TNFRSF1A: variants seen among roughly 807,000 people sequenced by gnomAD.
TNFRSF1A encodes TNF receptor superfamily member 1A.
Under a neutral mutation model 41.6 loss-of-function variants are expected in TNFRSF1A, and 9 were observed. The ratio of observed to expected loss-of-function variants is 0.22; its 90% CI spans 0.13 to 0.38. The LOEUF (loss-of-function observed/expected upper bound fraction) is 0.38. Ranked by LOEUF, TNFRSF1A falls within the 10% of genes least tolerant of loss-of-function variation. The pLI is 1.00. For synonymous variants in TNFRSF1A, 254 were observed against 248.6 expected (o/e 1.02, Z -0.21); for missense variants, 463 against 591.5 (o/e 0.78, Z 2.25).
At position 6,342,061 on chromosome 12, in the gene TNFRSF1A, G is replaced by T; in HGVS notation, c.-247C>A. 1.7e-6 allele frequency: 1 copy of T among 586,022 alleles called. No individual in the cohort carries two copies. Among genetic ancestry groups the T allele is most frequent in the East Asian group, 2.9e-5 (1 of 34,464 alleles). 36.3% of individuals were successfully genotyped at this position (586,022 alleles called of 1,614,324 possible). A position where few individuals can be genotyped will look rare whatever the true frequency, so the allele number is the denominator to read the frequency against. ...TAAAGCAGAGAGGAGGGGAGAGAAG[G>T]TGGGAGGGGAAGAGTGAGGCAGTGT... On this transcript the variant is annotated 5_prime_UTR_variant, in exon 1 of 10. Transcript: ENST00000162749.
At chr12:6,339,828 CTCT>C (rs1236477065) in intron 1 of TNFRSF1A, among the ~76,000 whole-genome samples, 3 of 128,466 alleles carry the variant, frequency 2.3e-5, no homozygotes, top group African/African-American at 1.4e-4. Context: ...CTCTCTCTCT[CTCT>C]CTCTCTCTCT....
At position 6,329,140 on chromosome 12, in the gene TNFRSF1A, T is replaced by A. The variant is rs906838640; in HGVS notation, c.*172A>T. The A allele has an allele frequency of 1.7e-6, 1 of 600,416 alleles. No homozygotes were observed. The highest frequency in any genetic ancestry group is 2.6e-6 in the Non-Finnish European group (1 of 387,526). 37.2% of individuals were successfully genotyped at this position (600,416 alleles called of 1,614,324 possible). ...CTCTCTCCGCGCGCACAGCGCTGAC[T>A]GTCGGCGGCGCGCAGGCAGCTGAGA... On this transcript the variant is annotated 3_prime_UTR_variant, in exon 10 of 10. Coordinates refer to ENST00000162749, the MANE Select transcript of TNFRSF1A (RefSeq NM_001065.4).
chr12:6,336,855 T>A (rs1378267499), intron 1 of TNFRSF1A, among the ~76,000 whole-genome samples: 1 of 152,210 alleles, frequency 6.6e-6, no homozygotes, highest in South Asian at 2.1e-4. Flanking sequence ...CCTCCCACCC[T>A]GGGTTCACCG....
At position 6,330,195 on chromosome 12, in the gene TNFRSF1A, G is replaced by A. The variant is rs1217999535; in HGVS notation, c.768+72C>T. The stretch of plus-strand genomic sequence containing the variant: ...CCCGGAAAGTGAAGGATGATTCCAG[G>A]GGATCTGAGCATTAGGCAATTATAA... On this transcript the variant is annotated intron_variant, in intron 8 of 9. Transcript: ENST00000162749. 7 of 1,613,096 alleles carry A rather than the reference G, an allele frequency of 4.3e-6. No homozygotes were observed. In the African/African-American group the frequency reaches 5.3e-5, roughly 12 times the overall value.
Position 6,330,068 on chromosome 12 carries a change from T to C in TNFRSF1A, c.769-2A>G. The C allele has an allele frequency of 6.2e-7, 1 of 1,612,694 alleles. No individual in the cohort carries two copies. The highest frequency in any genetic ancestry group is 8.5e-7 in the Non-Finnish European group (1 of 1,179,960). On this transcript the variant is annotated splice_acceptor_variant, in intron 8 of 9. Transcript: ENST00000162749. LOFTEE classifies it high-confidence loss of function. Reference sequence around the variant, plus strand: ...AGTAGTAGTTCCTTCAAGCTCCCCCTGAAAGAGAGAAGGTGGCGCAGCATT... The same window carrying C: ...AGTAGTAGTTCCTTCAAGCTCCCCCCGAAAGAGAGAAGGTGGCGCAGCATT...
Position 6,341,657 on chromosome 12 carries a change from A to C in TNFRSF1A, c.39+119T>G. 8.3e-7 allele frequency: 1 copy of C among 1,204,286 alleles called. No individual in the cohort carries two copies. Among genetic ancestry groups the C allele is most frequent in the South Asian group, 1.3e-5 (1 of 79,274 alleles). 74.6% of individuals were successfully genotyped at this position (1,204,286 alleles called of 1,614,324 possible). ...GCTGAGGTTAGGACCTGCAGGCCTG[A>C]GGCTGGCGCCAGGACCAGGCCCGGG... On this transcript the variant is annotated intron_variant, in intron 1 of 9. Transcript: ENST00000162749. This position sits in a 1 kb window ranked among gnomAD's most constrained non-coding sequence, Gnocchi z 4.6.
chr12:6,341,925 GGGT>G lies in TNFRSF1A; in HGVS notation c.-114_-112del. 2.5e-6 allele frequency: 3 copies of G among 1,203,908 alleles called. No individual in the cohort carries two copies. The highest frequency in any genetic ancestry group is 3.7e-6 in the Non-Finnish European group (3 of 817,232). The allele number at this position is 1,203,908 out of a possible 1,614,324, so 74.6% of individuals were successfully genotyped here. On this transcript the variant is annotated 5_prime_UTR_variant, in exon 1 of 10. Coordinates refer to ENST00000162749, the MANE Select transcript of TNFRSF1A (RefSeq NM_001065.4). This position sits in a 1 kb window ranked among gnomAD's most constrained non-coding sequence, Gnocchi z 4.6. ...TGTCCAGGACGTCCCAAGTGCCTTG[GGGT>G]GACAGTTGAGGGTTGAGACTCGGGC...
chr12:6,338,638 G>C (rs1360991359), intron 1 of TNFRSF1A, among the ~76,000 whole-genome samples: 2 of 150,268 alleles, frequency 1.3e-5, no homozygotes, highest in African/African-American at 4.9e-5. Flanking sequence ...GAAGTGCAGT[G>C]GCACAATCAT....
At chr12:6,338,673 G>A (rs531409295) in intron 1 of TNFRSF1A, among the ~76,000 whole-genome samples, 20 of 151,662 alleles carry the variant, frequency 1.3e-4, no homozygotes, top group African/African-American at 3.9e-4. Flanking sequence ...TTCACCACCA[G>A]GACGGAATGT....
rs1344445194 is a variant in TNFRSF1A at position 6,329,921 on chromosome 12, G to C, written c.914C>G (p.Pro305Arg). Reference protein sequence around the residue: ...SSSTYTPGDCPNFAAPRREVA... With the variant: ...SSSTYTPGDCRNFAAPRREVA... ...CTCTCTGCGGGGAGCCGCAAAGTTG[G>C]GACAGTCACCGGGGGTATAGGTGGA... Residue 305 changes from proline (P) to arginine (R), a missense_variant, in exon 9 of 10, where the codon CCC becomes CGC. Physicochemically the swap from Pro to Arg is moderately radical, Grantham distance 103 (BLOSUM62 -2). Coordinates refer to ENST00000162749, the MANE Select transcript of TNFRSF1A (RefSeq NM_001065.4). The C allele has an allele frequency of 6.4e-7, 1 of 1,572,360 alleles. No homozygotes were observed.
Position 6,330,010 on chromosome 12 carries a change from G to T in TNFRSF1A, c.825C>A (p.Pro275=). 2 of 1,608,464 alleles carry T rather than the reference G, an allele frequency of 1.2e-6. No homozygotes were observed. Among genetic ancestry groups the T allele is most frequent in the Non-Finnish European group, 1.7e-6 (2 of 1,177,168 alleles). Residue 275 remains proline, a synonymous_variant, in exon 9 of 10, where the codon CCC becomes CCA. Coordinates refer to ENST00000162749, the MANE Select transcript of TNFRSF1A (RefSeq NM_001065.4). ...KPLAPNPSFS[P]TPGFTPTLGF... The stretch of plus-strand genomic sequence containing the variant: ...CCAGGGTGGGGGTGAAGCCTGGAGT[G>T]GGACTGAAGCTTGGGTTTGGGGCCA...
rs567715424 is a variant in TNFRSF1A, at chr12:6,334,416, C to T, written c.40-172G>A. On this transcript the variant is annotated intron_variant, in intron 1 of 9. Coordinates refer to ENST00000162749, the MANE Select transcript of TNFRSF1A (RefSeq NM_001065.4). The surrounding 1 kb of genome is among the most constrained non-coding windows in gnomAD (Gnocchi z 5.1). ...TTCCTTGAAACTTAGACAGTTGGGG[C>T]CATACAATCTGATGCTTAATTGTTC... 6.6e-6 allele frequency among the ~76,000 whole-genome samples: 1 copy of T among 152,172 alleles called. No individual in the cohort carries two copies. Among genetic ancestry groups the T allele is most frequent in the African/African-American group, 2.4e-5 (1 of 41,428 alleles).
Position 6,337,479 on chromosome 12 carries a change from C to A in TNFRSF1A, c.40-3235G>T, listed in dbSNP as rs1398334680. Among the ~76,000 whole-genome samples, 1 of 152,156 alleles carries A rather than the reference C, an allele frequency of 6.6e-6. No homozygotes were observed. The highest frequency in any genetic ancestry group is 1.5e-5 in the Non-Finnish European group (1 of 68,020). ...CCGATCCAGCCACCTTGCAGGGACCCAATTAGTCTTCCTTTCCCCCTCATT... is the reference window on the plus strand; with the variant it reads ...CCGATCCAGCCACCTTGCAGGGACCAAATTAGTCTTCCTTTCCCCCTCATT... On this transcript the variant is annotated intron_variant, in intron 1 of 9. Coordinates refer to ENST00000162749, the MANE Select transcript of TNFRSF1A (RefSeq NM_001065.4). The surrounding 1 kb of genome is among the most constrained non-coding windows in gnomAD (Gnocchi z 4.6).
rs1948137339 is a variant in TNFRSF1A at position 6,337,600 on chromosome 12, C to G, written c.40-3356G>C. 6.6e-6 allele frequency among the ~76,000 whole-genome samples: 1 copy of G among 152,174 alleles called. No homozygotes were observed. The highest frequency in any genetic ancestry group is 2.4e-5 in the African/African-American group (1 of 41,434). On this transcript the variant is annotated intron_variant, in intron 1 of 9. Transcript: ENST00000162749. This position sits in a 1 kb window ranked among gnomAD's most constrained non-coding sequence, Gnocchi z 4.6. ...GAGATCCCATCTCCCTCCCGTGAAG[C>G]CACCATTGACGATGTCTGTTTCCTC...
Position 6,329,214 on chromosome 12 carries a change from C to G in TNFRSF1A, c.*98G>C. ...AGCACCAAGTAGGCGGCTGCTAGCT[C>G]CTGCTTGCCCCTGCAGGACCCCTCC... On this transcript the variant is annotated 3_prime_UTR_variant, in exon 10 of 10. Transcript: ENST00000162749. 8.1e-7 allele frequency: 1 copy of G among 1,240,426 alleles called. No homozygotes were observed. The highest frequency in any genetic ancestry group is 2.7e-5 in the East Asian group (1 of 36,998). 76.8% of individuals were successfully genotyped at this position (1,240,426 alleles called of 1,614,324 possible).
At chr12:6,339,839 T>TCCCA (rs1312763687) in intron 1 of TNFRSF1A, among the ~76,000 whole-genome samples, 1 of 120,794 alleles carries the variant, frequency 8.3e-6, no homozygotes, top group Admixed American at 8.1e-5. Context: ...TCTCTCTCTC[T>TCCCA]CTCACACACA....
At position 6,329,152 on chromosome 12, in the gene TNFRSF1A, G is replaced by T; in HGVS notation, c.*160C>A. 1 of 656,518 alleles carries T rather than the reference G, an allele frequency of 1.5e-6. No individual in the cohort carries two copies. Among genetic ancestry groups the T allele is most frequent in the Non-Finnish European group, 2.3e-6 (1 of 436,470 alleles). The allele number at this position is 656,518 out of a possible 1,614,324, so 40.7% of individuals were successfully genotyped here. A position where few individuals can be genotyped will look rare whatever the true frequency, so the allele number is the denominator to read the frequency against. On this transcript the variant is annotated 3_prime_UTR_variant, in exon 10 of 10. Coordinates refer to ENST00000162749, the MANE Select transcript of TNFRSF1A (RefSeq NM_001065.4). ...GCACAGCGCTGACTGTCGGCGGCGC[G>T]CAGGCAGCTGAGAAAAGCTATGTAC... is the stretch of plus-strand genomic sequence containing the variant.
chr12:6,333,119 G>T lies in TNFRSF1A; in HGVS notation c.501C>A (p.Thr167=). 6.2e-7 allele frequency: 1 copy of T among 1,614,230 alleles called. No homozygotes were observed. The highest frequency in any genetic ancestry group is 8.5e-7 in the Non-Finnish European group (1 of 1,180,036). ...CTCTTAGAAAGAAACCTGCATGGCA[G>T]GTGCACACGGTGTTCTGTTTCTCCT... ...SCQEKQNTVC[T]CHAGFFLREN... is the part of the protein sequence containing the mutation. The change falls in exon 5 of 10, where the codon ACC becomes ACA. Residue 167 remains threonine (T), a synonymous_variant. Transcript: ENST00000162749. This position sits in a 1 kb window ranked among gnomAD's most constrained non-coding sequence, Gnocchi z 6.3.
Position 6,339,463 on chromosome 12 carries a change from T to C in TNFRSF1A, c.39+2313A>G, listed in dbSNP as rs182723681. 1.0e-3 allele frequency among the ~76,000 whole-genome samples: 154 copies of C among 152,126 alleles called. 3 individuals carry two copies. The highest frequency in any genetic ancestry group is 3.7e-4 in the Non-Finnish European group (25 of 67,960). Reference sequence around the variant, plus strand: ...CACTTGAGTCAAAGACAGTCAGTTGTAGGCACTGAGATCTATACAGGGAGT... The same window carrying C: ...CACTTGAGTCAAAGACAGTCAGTTGCAGGCACTGAGATCTATACAGGGAGT... On this transcript the variant is annotated intron_variant, in intron 1 of 9. Coordinates refer to ENST00000162749, the MANE Select transcript of TNFRSF1A (RefSeq NM_001065.4).
Sources: allele counts gnomAD v4.1 joint callset (sites outside exome capture counted in the v4.1 genomes callset), GRCh38; gene constraint gnomAD v4.1.1; non-coding constraint Gnocchi (gnomAD v3.1); transcripts MANE v1.5; gene names NCBI Gene and HGNC (gene_info 2026-07-23, HGNC 2026-07-21).